TRAK1: variants seen among roughly 807,000 people sequenced by gnomAD.
The protein encoded by TRAK1 is trafficking kinesin-binding protein 1.
A neutral mutation model predicts 92.1 loss-of-function variants in TRAK1; 33 were observed. That is an observed-to-expected ratio of 0.36 (90% CI 0.27 to 0.48). The LOEUF is 0.48. Among genes scored for constraint, TRAK1 ranks in the 20% least tolerant of loss-of-function variants. The probability of loss-of-function intolerance (pLI) is 0.99; values close to 1 mark genes in which losing one functional copy is unlikely to be tolerated. For missense variants in TRAK1, 1,123 were observed against 1,257.9 expected (o/e 0.89, Z 1.62); for synonymous variants, 521 against 517.3 (o/e 1.01, Z -0.10).
At chr3:42,205,892 T>A (rs1708276426) in intron 13 of TRAK1, among the ~76,000 whole-genome samples, 1 of 152,226 alleles carries the variant, frequency 6.6e-6, no homozygotes, top group African/African-American at 2.4e-5. Flanking sequence ...CCCATAGAAC[T>A]TTATCTTGGG....
upstream of TRAK1, among the ~76,000 whole-genome samples, chr3:42,082,835 G>A (rs1266750438): frequency 6.6e-6 from 1 of 152,182 alleles, no homozygotes; most frequent in Non-Finnish European, 1.5e-5. Context: ...ATTTGTTAAT[G>A]CATTTTAAAA....
intron 2 of TRAK1, chr3:42,160,292 G>T: frequency 6.3e-7 from 1 of 1,587,982 alleles, no homozygotes; most frequent in Non-Finnish European, 8.6e-7. Flanking sequence ...GCTCCTCTGG[G>T]TAGGGGGTCG....
chr3:42,210,293 A>C (rs1708863489), intron 14 of TRAK1: 1 of 1,513,654 alleles, frequency 6.6e-7, no homozygotes, highest in Middle Eastern at 1.8e-4. Context: ...TTCTGTTTTT[A>C]AATACAGAGT....
intron 4 of TRAK1, 104 bp downstream of exon 4, chr3:42,184,905 G>A (rs1704562802): frequency 1.2e-5 from 14 of 1,131,180 alleles, no homozygotes; most frequent in South Asian, 9.8e-5. Flanking sequence ...TTGGAAGGAC[G>A]CTCCCGAGGG....
At chr3:42,152,282 A>T (rs1285032514) in intron 2 of TRAK1, among the ~76,000 whole-genome samples, 1 of 152,172 alleles carries the variant, frequency 6.6e-6, no homozygotes, top group Non-Finnish European at 1.5e-5. Context: ...GGGGTTGATT[A>T]CCCAGTGTCT....
chr3:42,178,802 A>G (rs1703574966), intron 3 of TRAK1, among the ~76,000 whole-genome samples: 2 of 151,938 alleles, frequency 1.3e-5, no homozygotes, highest in African/African-American at 4.8e-5. Flanking sequence ...TGGCCAAACC[A>G]TGTGTCTACA....
intron 2 of TRAK1, among the ~76,000 whole-genome samples, chr3:42,164,555 C>T (rs1485664689): frequency 6.6e-6 from 1 of 152,180 alleles, no homozygotes; most frequent in Admixed American, 6.5e-5. Context: ...TTTCACCATG[C>T]CCAGGCTCTA....
chr3:42,116,543 T>C (rs1709186516), intron 1 of TRAK1, among the ~76,000 whole-genome samples: 2 of 152,248 alleles, frequency 1.3e-5, no homozygotes, highest in Admixed American at 6.5e-5. Flanking sequence ...TTAATCCTTA[T>C]AATTTTAAGA....
intron 2 of TRAK1, among the ~76,000 whole-genome samples, chr3:42,154,846 A>G (rs961745294): frequency 6.6e-6 from 1 of 152,154 alleles, no homozygotes; most frequent in African/African-American, 2.4e-5. Flanking sequence ...ATTGAGCATC[A>G]ATGGGACAGG....
At chr3:42,054,011 A>G (rs922224596) in intron 1 of TRAK1, among the ~76,000 whole-genome samples, 12 of 152,106 alleles carry the variant, frequency 7.9e-5, no homozygotes, top group Non-Finnish European at 1.3e-4. Context: ...GTTTCCTAAG[A>G]CCAACATCGT....
At chr3:42,207,805 C>G (rs549827973) in intron 13 of TRAK1, among the ~76,000 whole-genome samples, 1 of 152,178 alleles carries the variant, frequency 6.6e-6, no homozygotes, top group Non-Finnish European at 1.5e-5. Context: ...CCACAGCTTC[C>G]TTCAGATTCT....
intron 2 of TRAK1, among the ~76,000 whole-genome samples, chr3:42,167,837 G>A (rs1462159151): frequency 1.3e-5 from 2 of 152,168 alleles, no homozygotes; most frequent in Non-Finnish European, 2.9e-5. Flanking sequence ...CTGAGATCAC[G>A]CCACTGCACT....
At chr3:42,101,532 A>T (rs530539747) in intron 1 of TRAK1, among the ~76,000 whole-genome samples, 1 of 151,902 alleles carries the variant, frequency 6.6e-6, no homozygotes, top group African/African-American at 2.4e-5. Flanking sequence ...GAAGGACATG[A>T]CTCTTACGGC....
chr3:42,191,440 G>A (rs962361162), intron 6 of TRAK1, 118 bp from the exon 7 acceptor site: 10 of 741,122 alleles, frequency 1.3e-5, no homozygotes, highest in Non-Finnish European at 2.2e-5. Context: ...TGACAGGTGG[G>A]GGAATGCTAA....
intron 9 of TRAK1, among the ~76,000 whole-genome samples, chr3:42,194,464 G>A (rs555501660): frequency 2.0e-5 from 3 of 151,628 alleles, no homozygotes; most frequent in African/African-American, 7.3e-5. Context: ...CTCAGCTTCT[G>A]TGCCCAAGCA....
chr3:42,104,152 G>C (rs548866964), intron 1 of TRAK1, among the ~76,000 whole-genome samples: 1 of 152,294 alleles, frequency 6.6e-6, no homozygotes, highest in East Asian at 1.9e-4. Context: ...AGCTTGAGTA[G>C]GTAGACAAAA....
At chr3:42,102,968 T>A (rs1162394810) in intron 1 of TRAK1, among the ~76,000 whole-genome samples, 2 of 152,226 alleles carry the variant, frequency 1.3e-5, no homozygotes, top group Non-Finnish European at 2.9e-5. Flanking sequence ...TTCATTGAGA[T>A]ATAATTCATG....
At chr3:42,182,312 T>C (rs1253045464) in intron 3 of TRAK1, among the ~76,000 whole-genome samples, 9 of 148,648 alleles carry the variant, frequency 6.1e-5, no homozygotes, top group African/African-American at 2.0e-4. Context: ...TTTTTTTTTT[T>C]TTCTTTTTTT....
At chr3:42,013,659 T>C (rs1231933547), upstream of TRAK1, 3 of 143,832 alleles carry the variant, frequency 2.1e-5, no homozygotes, top group Non-Finnish European at 3.1e-5. This position sits in a 1 kb window ranked among gnomAD's most constrained non-coding sequence, Gnocchi z 5.1. Context: ...GGGGGAGCCA[T>C]GGCGAGAGGC....
Sources: allele counts gnomAD v4.1 joint callset (sites outside exome capture counted in the v4.1 genomes callset), GRCh38; gene constraint gnomAD v4.1.1; non-coding constraint Gnocchi (gnomAD v3.1); transcripts MANE v1.5; gene names NCBI Gene and HGNC (gene_info 2026-07-23, HGNC 2026-07-21).